Variants in LDLRAD3 observed in about 807,000 individuals in gnomAD.
The protein encoded by LDLRAD3 is low-density lipoprotein receptor class A domain-containing protein 3.
Under a neutral mutation model 29.4 loss-of-function variants are expected in LDLRAD3, and 20 were observed. The ratio of observed to expected loss-of-function variants is 0.68; its 90% CI spans 0.48 to 0.99. The LOEUF (loss-of-function observed/expected upper bound fraction) is 0.99. LDLRAD3 is among the 50% of genes least tolerant of loss of function. LDLRAD3 has a pLI of 0.00. For synonymous variants in LDLRAD3, 157 were observed against 192.7 expected, an observed-to-expected ratio of 0.81 and a Z score of 1.53; for missense variants, 420 against 454.3, an observed-to-expected ratio of 0.92 and a Z score of 0.69.
intron 1 of LDLRAD3, among the ~76,000 whole-genome samples, chr11:35,979,473 G>A (rs1220935939): frequency 2.0e-5 from 3 of 152,220 alleles, no homozygotes; most frequent in Non-Finnish European, 4.4e-5. Flanking sequence ...AAGTCTCTGA[G>A]TTGCAGTTGT....
chr11:35,988,959 T>C (rs1851653363), intron 1 of LDLRAD3: 2 of 152,226 alleles, frequency 1.3e-5, no homozygotes, highest in Non-Finnish European at 2.9e-5. Flanking sequence ...CCAAGACTGA[T>C]GTCCAGAATA....
intron 3 of LDLRAD3, among the ~76,000 whole-genome samples, chr11:36,092,097 A>G (rs1418230643): frequency 6.6e-6 from 1 of 152,220 alleles, no homozygotes; most frequent in Non-Finnish European, 1.5e-5. Context: ...CAACACCAGC[A>G]ACAGGAATCT....
intron 1 of LDLRAD3, among the ~76,000 whole-genome samples, chr11:35,955,312 G>T (rs140296999): frequency 6.6e-6 from 1 of 152,242 alleles, no homozygotes; most frequent in East Asian, 1.9e-4. Context: ...GTTATCTTCT[G>T]GTCTAGTTTA....
chr11:35,989,423 G>T (rs1202886513), intron 1 of LDLRAD3, among the ~76,000 whole-genome samples: 5 of 152,214 alleles, frequency 3.3e-5, no homozygotes, highest in Non-Finnish European at 5.9e-5. Context: ...GACATTGGTA[G>T]TTTGATAGGA....
At position 36,049,431 on chromosome 11, in the gene LDLRAD3, C is replaced by T. The variant is rs1037575320; in HGVS notation, c.193+13182C>T. Among the ~76,000 whole-genome samples the T allele has an allele frequency of 3.3e-5, 5 of 152,076 alleles. No homozygotes were observed. The South Asian group carries it at 6.2e-4, about 19-fold the overall frequency. On this transcript the variant is annotated intron_variant, in intron 2 of 5. Coordinates refer to ENST00000315571, the MANE Select transcript of LDLRAD3 (RefSeq NM_174902.4). The stretch of plus-strand genomic sequence containing the variant: ...CATTCATATAATGCAGACACATGAC[C>T]AGAGAGACTCTCTCACTAGTAACAC...
intron 1 of LDLRAD3, among the ~76,000 whole-genome samples, chr11:35,945,257 G>A (rs114911989): frequency 9.2e-5 from 14 of 152,304 alleles, no homozygotes; most frequent in African/African-American, 3.4e-4. Flanking sequence ...GCTAAGTTGA[G>A]GCTCACTTCA....
chr11:36,215,081 G>A lies in LDLRAD3; in HGVS notation c.455-12004G>A, dbSNP rs372753542. 2.0e-5 allele frequency among the ~76,000 whole-genome samples: 3 copies of A among 152,256 alleles called. No individual in the cohort carries two copies. The South Asian group carries it at 6.2e-4, about 32-fold the overall frequency. ...TGTCGGTGGGCCAGAAAGGAGTAGA[G>A]TCTTGAATGGAATTGTGAGTGATGC... On this transcript the variant is annotated intron_variant, in intron 4 of 5. Coordinates refer to ENST00000315571, the MANE Select transcript of LDLRAD3 (RefSeq NM_174902.4).
At chr11:36,042,006 TC>T (rs1852388759) in intron 2 of LDLRAD3, among the ~76,000 whole-genome samples, 1 of 152,198 alleles carries the variant, frequency 6.6e-6, no homozygotes. Flanking sequence ...CTTTTACTGT[TC>T]CTGACCGTTT....
chr11:36,086,812 C>G (rs1489171202), intron 3 of LDLRAD3, among the ~76,000 whole-genome samples: 1 of 152,212 alleles, frequency 6.6e-6, no homozygotes, highest in Non-Finnish European at 1.5e-5. Flanking sequence ...GCATTCTCTT[C>G]AGGTTTTTTA....
chr11:36,098,759 G>GT (rs1208942822), intron 4 of LDLRAD3, among the ~76,000 whole-genome samples: 1 of 152,164 alleles, frequency 6.6e-6, no homozygotes, highest in Non-Finnish European at 1.5e-5. Flanking sequence ...CTCTCCTGTG[G>GT]TTTTCTGAGA....
At chr11:36,045,385 G>A (rs1852434594) in intron 2 of LDLRAD3, among the ~76,000 whole-genome samples, 1 of 152,190 alleles carries the variant, frequency 6.6e-6, no homozygotes, top group African/African-American at 2.4e-5. Context: ...ACCACAAACT[G>A]GGTGGCTTAG....
At chr11:36,051,151 T>C (rs1254697925) in intron 2 of LDLRAD3, among the ~76,000 whole-genome samples, 1 of 152,162 alleles carries the variant, frequency 6.6e-6, no homozygotes, top group East Asian at 1.9e-4. Context: ...AGCCTAAATA[T>C]AGCCCTGAGG....
intron 1 of LDLRAD3, among the ~76,000 whole-genome samples, chr11:35,970,608 C>T (rs1317392322): frequency 6.6e-6 from 1 of 152,216 alleles, no homozygotes; most frequent in Non-Finnish European, 1.5e-5. Flanking sequence ...GTTAGAACTA[C>T]TTAGAAGAAT....
intron 4 of LDLRAD3, among the ~76,000 whole-genome samples, chr11:36,135,432 C>T (rs1275888626): frequency 6.6e-6 from 1 of 152,178 alleles, no homozygotes; most frequent in East Asian, 1.9e-4. Flanking sequence ...TTTCCTTCTT[C>T]CTGCCTTCTG....
At chr11:35,991,280 G>A (rs1213146154) in intron 1 of LDLRAD3, among the ~76,000 whole-genome samples, 3 of 152,124 alleles carry the variant, frequency 2.0e-5, no homozygotes, top group Non-Finnish European at 4.4e-5. Flanking sequence ...GCTTAACAAT[G>A]CAAACTAGAA....
intron 4 of LDLRAD3, among the ~76,000 whole-genome samples, chr11:36,163,969 CTA>C (rs776872917): frequency 1.4e-4 from 22 of 152,168 alleles, no homozygotes; most frequent in Middle Eastern, 3.2e-3. Flanking sequence ...CTGCTTTGAT[CTA>C]TGTCCTGCCT....
chr11:36,154,482 A>G (rs563675824), intron 4 of LDLRAD3, among the ~76,000 whole-genome samples: 2 of 152,258 alleles, frequency 1.3e-5, no homozygotes, highest in Admixed American at 1.3e-4. Flanking sequence ...CTGTGGTCAC[A>G]TGAATTTGGG....
chr11:36,072,802 T>C (rs1590243777), intron 2 of LDLRAD3, among the ~76,000 whole-genome samples: 1 of 152,314 alleles, frequency 6.6e-6, no homozygotes, highest in South Asian at 2.1e-4. Context: ...TACACGAGTC[T>C]TTGTCCTTAG....
intron 1 of LDLRAD3, among the ~76,000 whole-genome samples, chr11:35,983,916 T>G (rs7928037): frequency 0.055 from 8,437 of 152,244 alleles, 559 homozygotes; most frequent in African/African-American, 0.16. Flanking sequence ...TGAGCCACTG[T>G]GCCTGGCCAA....
Sources: gnomAD v4.1 joint callset for allele counts (sites outside exome capture counted in the v4.1 genomes callset) on GRCh38, gnomAD v4.1.1 for gene constraint, MANE v1.5 for transcripts, NCBI Gene and HGNC (gene_info 2026-07-23, HGNC 2026-07-21) for gene names.